RTF2: variants seen among roughly 807,000 people sequenced by gnomAD.
RTF2 encodes the protein UPF0549 protein C20orf43.
Under a neutral mutation model 38.0 loss-of-function variants are expected in RTF2, and 18 were observed. That is an observed-to-expected ratio of 0.47 (90% confidence interval 0.33 to 0.70). The LOEUF is 0.70. Ranked by LOEUF, RTF2 falls within the 30% of genes least tolerant of loss-of-function variation. The pLI is 0.02. For missense variants in RTF2, 311 were observed against 379.6 expected (o/e 0.82, Z 1.50); for synonymous variants, 126 against 137.1 (o/e 0.92, Z 0.57).
At chr20:56,475,685 C>A (rs1982203145) in intron 3 of RTF2, among the ~76,000 whole-genome samples, 1 of 151,976 alleles carries the variant, frequency 6.6e-6, no homozygotes, top group African/African-American at 2.4e-5. Flanking sequence ...TTTCCATGTG[C>A]ACATGTAAGA....
In RTF2 at chr20:56,468,656, C is replaced by A; in HGVS notation, c.-42C>A. On this transcript the variant is annotated 5_prime_UTR_variant, in exon 1 of 9. Coordinates refer to ENST00000357348, the MANE Select transcript of RTF2 (RefSeq NM_016407.5). ...ATTTCGCCGGAAATCCCGGAAGTGA[C>A]AGCTTTGGGGGTTTGCTGCTGGCTC... 1.3e-6 allele frequency: 2 copies of A among 1,534,678 alleles called. No homozygotes were observed. The highest frequency in any genetic ancestry group is 1.4e-5 in the African/African-American group (1 of 72,814).
At chr20:56,497,554 T>G in intron 5 of RTF2, 1 of 1,381,334 alleles carries the variant, frequency 7.2e-7, no homozygotes, top group Non-Finnish European at 9.6e-7. Flanking sequence ...AAAATGAAGA[T>G]GCAAATGACT....
At chr20:56,513,211 T>C (rs1984801282) in intron 5 of RTF2, 104 bp from the exon 6 acceptor site, 7 of 1,450,424 alleles carry the variant, frequency 4.8e-6, no homozygotes, top group Admixed American at 2.2e-5. Context: ...AGGAATTTAC[T>C]CGGAGCCTGG....
At chr20:56,497,290 C>G in intron 5 of RTF2, 3 of 1,550,928 alleles carry the variant, frequency 1.9e-6, no homozygotes, top group Non-Finnish European at 2.6e-6. Context: ...GAGAAATCGC[C>G]CTCTTCTGCA....
intron 5 of RTF2, among the ~76,000 whole-genome samples, chr20:56,485,704 A>G (rs1375952797): frequency 6.6e-6 from 1 of 152,184 alleles, no homozygotes; most frequent in African/African-American, 2.4e-5. Flanking sequence ...AATTCAAATA[A>G]AACATTTGGG....
chr20:56,482,322 TTACATATGA>T (rs1982564840), intron 4 of RTF2, among the ~76,000 whole-genome samples: 1 of 152,230 alleles, frequency 6.6e-6, no homozygotes, highest in Non-Finnish European at 1.5e-5. Flanking sequence ...CAACTCAGGA[TTACATATGA>T]TACCTAATAC....
At chr20:56,473,725 A>G (rs745893178) in intron 2 of RTF2, among the ~76,000 whole-genome samples, 1 of 152,114 alleles carries the variant, frequency 6.6e-6, no homozygotes, top group Non-Finnish European at 1.5e-5. Flanking sequence ...CTCTACAAAA[A>G]AATTAAATTA....
intron 5 of RTF2, among the ~76,000 whole-genome samples, chr20:56,486,206 T>C (rs1422133050): frequency 6.6e-6 from 1 of 152,138 alleles, no homozygotes; most frequent in African/African-American, 2.4e-5. Context: ...TTTGTAACAC[T>C]CTCTTAACTG....
chr20:56,505,487 C>CAATAATAATA (rs1555812434), intron 5 of RTF2, among the ~76,000 whole-genome samples: 1 of 139,652 alleles, frequency 7.2e-6, no homozygotes, highest in Non-Finnish European at 1.5e-5. Context: ...GATGCCATCT[C>CAATAATAATA]ATAATAATAA....
At chr20:56,496,575 A>G (rs910825100) in intron 5 of RTF2, 4 of 1,434,044 alleles carry the variant, frequency 2.8e-6, no homozygotes, top group Non-Finnish European at 3.7e-6. Flanking sequence ...CAATCAATCA[A>G]TCAATCTATC....
intron 6 of RTF2, chr20:56,516,570 C>T: frequency 3.5e-6 from 1 of 286,598 alleles, no homozygotes; most frequent in South Asian, 5.4e-5. Flanking sequence ...CATATATACT[C>T]TGTGTTACTC....
Position 56,476,929 on chromosome 20 carries a change from G to T in RTF2, c.259-56G>T, listed in dbSNP as rs1267828431. 6.3e-6 allele frequency: 10 copies of T among 1,575,830 alleles called. No homozygotes were observed. The Admixed American group carries it at 1.6e-4, about 25-fold the overall frequency. ...CAATTTGTTGACTTACGTGGTTAAG[G>T]CAAAGGATGATCTGTTTATCAAATG... On this transcript the variant is annotated intron_variant, in intron 3 of 8. Transcript: ENST00000357348.
At chr20:56,486,011 G>A (rs941226280) in intron 5 of RTF2, among the ~76,000 whole-genome samples, 7 of 152,200 alleles carry the variant, frequency 4.6e-5, no homozygotes, top group Non-Finnish European at 1.0e-4. Flanking sequence ...GAAGAGCATG[G>A]TTATTGGTTG....
At chr20:56,515,304 G>T (rs997898220) in intron 6 of RTF2, among the ~76,000 whole-genome samples, 2 of 152,128 alleles carry the variant, frequency 1.3e-5, no homozygotes, top group African/African-American at 4.8e-5. Context: ...GGGTGCCGTG[G>T]CTCACACCTT....
intron 5 of RTF2, among the ~76,000 whole-genome samples, chr20:56,487,254 A>G (rs1296868576): frequency 2.0e-5 from 3 of 152,210 alleles, no homozygotes; most frequent in Non-Finnish European, 4.4e-5. Flanking sequence ...GCATGGAAAT[A>G]CAGCGTTACA....
In RTF2 at chr20:56,477,176, G is replaced by A. The variant is rs372255941; in HGVS notation, c.398+52G>A. Reference sequence around the variant, plus strand: ...TGTGGGAGGCTGGAGGAATACTGCCGGTTTTGGTGGCAGTGGTGCCGGAGC... The same window carrying A: ...TGTGGGAGGCTGGAGGAATACTGCCAGTTTTGGTGGCAGTGGTGCCGGAGC... On this transcript the variant is annotated intron_variant, in intron 4 of 8. Transcript: ENST00000357348. 141 of 1,595,250 alleles carry A rather than the reference G, an allele frequency of 8.8e-5. No homozygotes were observed. The African/African-American group carries it at 1.3e-3, about 15-fold the overall frequency.
intron 5 of RTF2, chr20:56,491,875 G>T (rs750301641): frequency 4.0e-4 from 352 of 877,102 alleles, no homozygotes; most frequent in Non-Finnish European, 6.0e-4. Flanking sequence ...TCCGGTGTCA[G>T]TGGTGAGCCT....
At chr20:56,479,882 G>A (rs1254543331) in intron 4 of RTF2, among the ~76,000 whole-genome samples, 1 of 145,786 alleles carries the variant, frequency 6.9e-6, no homozygotes, top group East Asian at 2.0e-4. Flanking sequence ...CGTAAGCCAT[G>A]TTATAGACAG....
chr20:56,485,627 GGT>G (rs1982755766), intron 5 of RTF2, among the ~76,000 whole-genome samples: 1 of 152,098 alleles, frequency 6.6e-6, no homozygotes, highest in African/African-American at 2.4e-5. Context: ...TCCAGTTTGG[GGT>G]GACTATGAAT....
Sources: gnomAD v4.1 joint callset for allele counts (sites outside exome capture counted in the v4.1 genomes callset) on GRCh38, gnomAD v4.1.1 for gene constraint, MANE v1.5 for transcripts, NCBI Gene and HGNC (gene_info 2026-07-23, HGNC 2026-07-21) for gene names.